CEL: variants seen among roughly 807,000 people sequenced by gnomAD.
The protein encoded by CEL is carboxyl ester lipase, also known as bile salt-activated lipase.
CEL carries 39 observed loss-of-function variants against 57.1 expected under a neutral mutation model. That is an observed-to-expected ratio of 0.68 (90% CI 0.53 to 0.89). The LOEUF is 0.89. Among genes scored for constraint, CEL ranks in the 40% least tolerant of loss-of-function variants. The pLI is 0.00. For missense variants in CEL, 698 were observed against 915.0 expected (o/e 0.76, Z 3.06); for synonymous variants, 314 against 396.6 (o/e 0.79, Z 2.48).
At chr9:133,067,767 C>A (rs1312721421) in intron 7 of CEL, among the ~76,000 whole-genome samples, 1 of 152,104 alleles carries the variant, frequency 6.6e-6, no homozygotes, top group African/African-American at 2.4e-5. Context: ...CATTCATATG[C>A]AGTCATTTGC....
At position 133,066,782 on chromosome 9, in the gene CEL, C is replaced by T. The variant is rs764816823; in HGVS notation, c.670-56C>T. 59 of 1,606,058 alleles carry T rather than the reference C, an allele frequency of 3.7e-5. No individual in the cohort carries two copies. Among genetic ancestry groups the T allele is most frequent in the Middle Eastern group, 1.7e-4 (1 of 6,006 alleles). ...TGGTGCTGGGGTGTCCTTGTCCCAG[C>T]GTGGGGTGGGCAGAGTGGGGAGCGG... On this transcript the variant is annotated intron_variant, in intron 5 of 10. Coordinates refer to ENST00000372080, the MANE Select transcript of CEL (RefSeq NM_001807.6). This position sits in a 1 kb window ranked among gnomAD's most constrained non-coding sequence, Gnocchi z 4.3.
chr9:133,070,507 C>G lies in CEL; in HGVS notation c.1333C>G (p.Pro445Ala), dbSNP rs751702926. ...CCTGTTTTCCCATCCCTCTCGGATG[C>G]CCGTCTACCCCAAATGGGTGGGGGC... The part of the protein sequence containing the change: ...AYLFSHPSRM[P>A]VYPKWVGADH... Residue 445 changes from proline (P) to alanine (A), a missense_variant, in exon 10 of 11, where the codon CCC (proline) becomes GCC (alanine). Around this residue, in one of 6 missense-constraint regions of CEL, gnomAD observed 111 missense variants for 147.3 expected, o/e 0.75. Coordinates refer to ENST00000372080, the MANE Select transcript of CEL (RefSeq NM_001807.6). The G allele has an allele frequency of 1.5e-5, 25 of 1,613,856 alleles. No individual in the cohort carries two copies. The Admixed American group carries it at 3.7e-4, about 24-fold the overall frequency.
chr9:133,064,788 G>T (rs371713799), intron 3 of CEL, 26 bp downstream of exon 3: 1 of 1,613,500 alleles, frequency 6.2e-7, no homozygotes, highest in Non-Finnish European at 8.5e-7. Context: ...ACTCCCCAAG[G>T]GACCCTCCCA....
chr9:133,063,796 T>G (rs1376498132), intron 1 of CEL, among the ~76,000 whole-genome samples: 1 of 151,576 alleles, frequency 6.6e-6, no homozygotes, highest in African/African-American at 2.4e-5. Flanking sequence ...GTGGGAGGTG[T>G]GGTCCCTAGG....
chr9:133,070,858 T>G, intron 10 of CEL, 129 bp from the exon 11 acceptor site: 1 of 1,251,408 alleles, frequency 8.0e-7, no homozygotes, highest in Non-Finnish European at 1.1e-6. Flanking sequence ...CAGTGCCCAG[T>G]ATGCAGTGAG....
intron 1 of CEL, among the ~76,000 whole-genome samples, chr9:133,063,777 G>T (rs930017154): frequency 6.6e-6 from 1 of 152,080 alleles, no homozygotes; most frequent in Non-Finnish European, 1.5e-5. Context: ...ACAGGGAAGC[G>T]TGGCGGGGGT....
Position 133,067,179 on chromosome 9 carries a change from A to G in CEL, c.869A>G (p.Tyr290Cys), listed in dbSNP as rs530887007. Residue 290 changes from tyrosine (Y) to cysteine (C), a missense_variant, in exon 7 of 11, where the codon TAT becomes TGT. Around this residue, in one of 6 missense-constraint regions of CEL, gnomAD observed 327 missense variants for 374.1 expected, o/e 0.87. Coordinates refer to ENST00000372080, the MANE Select transcript of CEL (RefSeq NM_001807.6). ...GATCCCCGAGCCCTGACGCTGGCCTATAAGGTGCCGCTGGCAGGCCTGGAG... is the reference window on the plus strand; with the variant it reads ...GATCCCCGAGCCCTGACGCTGGCCTGTAAGGTGCCGCTGGCAGGCCTGGAG... The part of the protein sequence containing the change: ...VTDPRALTLA[Y>C]KVPLAGLEYP... The G allele has an allele frequency of 1.2e-6, 2 of 1,613,934 alleles. No homozygotes were observed. Among genetic ancestry groups the G allele is most frequent in the Middle Eastern group, 1.7e-4 (1 of 6,058 alleles).
intron 4 of CEL, 84 bp downstream of exon 4, chr9:133,065,321 A>G (rs1830161389): frequency 7.4e-6 from 11 of 1,485,840 alleles, no homozygotes; most frequent in Non-Finnish European, 3.7e-6. Context: ...CCCTCACCCC[A>G]AACAACCAGT....
chr9:133,063,678 T>C (rs1189866434), intron 1 of CEL, among the ~76,000 whole-genome samples: 1 of 152,196 alleles, frequency 6.6e-6, no homozygotes, highest in Non-Finnish European at 1.5e-5. Context: ...CCAGCCTCAG[T>C]TCCGTCAGGG....
At position 133,066,775 on chromosome 9, in the gene CEL, G is replaced by T; in HGVS notation, c.670-63G>T. The T allele has an allele frequency of 6.2e-7, 1 of 1,606,438 alleles. No individual in the cohort carries two copies. The highest frequency in any genetic ancestry group is 2.2e-5 in the East Asian group (1 of 44,798). ...GGGGCTGTGGTGCTGGGGTGTCCTT[G>T]TCCCAGCGTGGGGTGGGCAGAGTGG... On this transcript the variant is annotated intron_variant, in intron 5 of 10. Transcript: ENST00000372080. The surrounding 1 kb of genome is among the most constrained non-coding windows in gnomAD (Gnocchi z 4.3).
At position 133,067,090 on chromosome 9, in the gene CEL, G is replaced by A. The variant is rs1274048630; in HGVS notation, c.780G>A (p.Val260=). The A allele has an allele frequency of 1.2e-6, 2 of 1,614,162 alleles. No individual in the cohort carries two copies. The highest frequency in any genetic ancestry group is 1.1e-5 in the South Asian group (1 of 91,076). ...GCTGGCCTTGGTTCTGCCCCCAGGTGGCTGAGAAGGTGGGTTGCCCTGTGG... is the reference window on the plus strand; with the variant it reads ...GCTGGCCTTGGTTCTGCCCCCAGGTAGCTGAGAAGGTGGGTTGCCCTGTGG... ...QKNPLFWAKK[V]AEKVGCPVGD... is the part of the protein sequence containing the mutation. Residue 260 remains valine, a splice_region_variant and synonymous_variant, in exon 7 of 11, where the codon GTG becomes GTA. Transcript: ENST00000372080.
At chr9:133,064,083 G>A (rs933117650) in intron 1 of CEL, among the ~76,000 whole-genome samples, 26 of 152,188 alleles carry the variant, frequency 1.7e-4, no homozygotes, top group African/African-American at 5.6e-4. Flanking sequence ...ACTGAGGATC[G>A]GAGTCAAAGC....
At chr9:133,064,379 G>T in intron 1 of CEL, 25 bp from the exon 2 acceptor site, 1 of 1,610,954 alleles carries the variant, frequency 6.2e-7, no homozygotes, top group Non-Finnish European at 8.5e-7. Flanking sequence ...GAGCCCCCCT[G>T]ACCCTGCCCG....
Position 133,066,967 on chromosome 9 carries a change from T to TGGGG in CEL, c.777+25_777+26insGGGG. 1 of 464,392 alleles carries TGGGG rather than the reference T, an allele frequency of 2.2e-6. No homozygotes were observed. The highest frequency in any genetic ancestry group is 4.2e-6 in the Non-Finnish European group (1 of 240,340). 28.8% of individuals were successfully genotyped at this position (464,392 alleles called of 1,614,324 possible). A position where few individuals can be genotyped will look rare whatever the true frequency, so the allele number is the denominator to read the frequency against. Reference sequence around the variant, plus strand: ...AAAGGTAAACGGAGGAGGGCAGGGCTGGGCGGGGTGGGGGCTGTCCACATT... The same window carrying TGGGG: ...AAAGGTAAACGGAGGAGGGCAGGGCTGGGGGGGCGGGGTGGGGGCTGTCCACATT... On this transcript the variant is annotated intron_variant, in intron 6 of 10. Transcript: ENST00000372080. The surrounding 1 kb of genome is among the most constrained non-coding windows in gnomAD (Gnocchi z 4.3).
intron 7 of CEL, among the ~76,000 whole-genome samples, chr9:133,067,512 A>G (rs1206029062): frequency 2.0e-5 from 3 of 152,140 alleles, no homozygotes; most frequent in African/African-American, 7.2e-5. Context: ...AGCTGGGACT[A>G]CAGGCACATG....
rs1310916666 is a variant in CEL at position 133,068,532 on chromosome 9, G to A, written c.896-140G>A. 1.4e-5 allele frequency: 11 copies of A among 812,760 alleles called. No individual in the cohort carries two copies. In the African/African-American group the frequency reaches 1.8e-4, roughly 13 times the overall value. The allele number at this position is 812,760 out of a possible 1,614,324, so 50.3% of individuals were successfully genotyped here. ...TACAGGGCACAGGATGCCCCTGATG[G>A]TGCAGAATCAACCCTGCCCCAAGTG... is the stretch of plus-strand genomic sequence containing the variant. On this transcript the variant is annotated intron_variant, in intron 7 of 10. Transcript: ENST00000372080.
At chr9:133,065,013 G>C in intron 3 of CEL, 27 bp from the exon 4 acceptor site, 4 of 1,605,316 alleles carry the variant, frequency 2.5e-6, no homozygotes, top group Non-Finnish European at 3.4e-6. Flanking sequence ...GGGGCGTCTG[G>C]GGTCACCAGC....
Position 133,071,707 on chromosome 9 carries a change from T to C in CEL, c.2205T>C (p.Pro735=), listed in dbSNP as rs201443521. The C allele has an allele frequency of 2.7e-5, 44 of 1,604,452 alleles. No individual in the cohort carries two copies. In the African/African-American group the frequency reaches 3.3e-4, roughly 12 times the overall value. Residue 735 remains proline, a synonymous_variant, in exon 11 of 11, where the codon CCT becomes CCC. Coordinates refer to ENST00000372080, the MANE Select transcript of CEL (RefSeq NM_001807.6). ...CCACGGGTGACTCTGAGGCTGCCCC[T>C]GTGCCCCCCACAGATGACTCCAAGG... ...VPPTGDSEAA[P]VPPTDDSKEA...
rs762845526 is a variant in CEL, at chr9:133,064,433, C to T, written c.96C>T (p.Phe32=). 9 of 1,614,090 alleles carry T rather than the reference C, an allele frequency of 5.6e-6. No homozygotes were observed. Among genetic ancestry groups the T allele is most frequent in the African/African-American group, 1.3e-5 (1 of 75,026 alleles). Residue 32 remains phenylalanine (F), a synonymous_variant, in exon 2 of 11, where the codon TTC becomes TTT. Coordinates refer to ENST00000372080, the MANE Select transcript of CEL (RefSeq NM_001807.6). The part of the protein sequence containing the change: ...KLGAVYTEGG[F]VEGVNKKLGL... The stretch of plus-strand genomic sequence containing the variant: ...GCGCCGTGTACACAGAAGGTGGGTT[C>T]GTGGAAGGCGTCAATAAGAAGCTCG...
Sources: gnomAD v4.1 joint callset for allele counts (sites outside exome capture counted in the v4.1 genomes callset) on GRCh38, gnomAD v4.1.1 for gene constraint, gnomAD v4.1.1 regional missense constraint, Gnocchi (gnomAD v3.1) non-coding constraint, MANE v1.5 for transcripts, NCBI Gene and HGNC (gene_info 2026-07-23, HGNC 2026-07-21) for gene names.